HOXB13: variants seen among roughly 807,000 people sequenced by gnomAD.
HOXB13 encodes homeobox protein Hox-B13.
Under a neutral mutation model 23.1 loss-of-function variants are expected in HOXB13, and 22 were observed. The observed-to-expected ratio is 0.95, with a 90% CI of 0.68 to 1.36. The LOEUF (loss-of-function observed/expected upper bound fraction) is 1.36. Among genes scored for constraint, HOXB13 ranks in the 40% most tolerant of loss-of-function variants. The pLI is 0.00. For missense variants in HOXB13, 386 were observed against 376.2 expected, an observed-to-expected ratio of 1.03 and a Z score of -0.22; for synonymous variants, 173 against 157.9, an observed-to-expected ratio of 1.10 and a Z score of -0.72.
At position 48,725,952 on chromosome 17, in the gene HOXB13, T is replaced by C. The variant is rs976226587; in HGVS notation, c.*838A>G. 3.3e-5 allele frequency: 5 copies of C among 152,244 alleles called. No individual in the cohort carries two copies. Among genetic ancestry groups the C allele is most frequent in the African/African-American group, 7.2e-5 (3 of 41,442 alleles). The allele number at this position is 152,244 out of a possible 1,614,324, so 9.4% of individuals were successfully genotyped here. On this transcript the variant is annotated 3_prime_UTR_variant, in exon 2 of 2. Coordinates refer to ENST00000290295, the MANE Select transcript of HOXB13 (RefSeq NM_006361.6). ...GGCTAAGTATGCAAGGCTACAAACA[T>C]CTACTTCACTGGGATCCCAAATGCT...
rs1286947994 is a variant in HOXB13 at position 48,725,810 on chromosome 17, G to C, written c.*980C>G. ...GCCCTCATGTCCCTCTCAGAGTCCC[G>C]GCTCTGCAAAGAGCCCGTCTGTCTC... On this transcript the variant is annotated 3_prime_UTR_variant, in exon 2 of 2. Coordinates refer to ENST00000290295, the MANE Select transcript of HOXB13 (RefSeq NM_006361.6). 1 of 152,276 alleles carries C rather than the reference G, an allele frequency of 6.6e-6. No individual in the cohort carries two copies. The highest frequency in any genetic ancestry group is 1.5e-5 in the Non-Finnish European group (1 of 68,092). The allele number at this position is 152,276 out of a possible 1,614,324, so 9.4% of individuals were successfully genotyped here. A position where few individuals can be genotyped will look rare whatever the true frequency, so the allele number is the denominator to read the frequency against.
intron 1 of HOXB13, 128 bp downstream of exon 1, chr17:48,727,865 A>T: frequency 5.1e-6 from 6 of 1,179,702 alleles, no homozygotes; most frequent in Non-Finnish European, 7.2e-6. Context: ...GAGTCCTAAT[A>T]ACCAAGGGAG....
At position 48,726,861 on chromosome 17, in the gene HOXB13, T is replaced by C. The variant is rs1207429780; in HGVS notation, c.784A>G (p.Ile262Val). 6.2e-7 allele frequency: 1 copy of C among 1,614,110 alleles called. No homozygotes were observed. Among genetic ancestry groups the C allele is most frequent in the East Asian group, 2.2e-5 (1 of 44,884 alleles). ...TTGACCCGGCGGTTCTGAAACCAGA[T>C]GGTAATCTGGCGCTCCGAGAGGCTG... is the stretch of plus-strand genomic sequence containing the variant. ...ATSLSERQIT[I>V]WFQNRRVKEK... is the part of the protein sequence containing the mutation. The change falls in exon 2 of 2, where the codon ATC (isoleucine) becomes GTC (valine). Residue 262 changes from isoleucine to valine, a missense_variant. Ile to Val is a conservative substitution (Grantham distance 29). Transcript: ENST00000290295.
At position 48,726,548 on chromosome 17, in the gene HOXB13, T is replaced by A; in HGVS notation, c.*242A>T. On this transcript the variant is annotated 3_prime_UTR_variant, in exon 2 of 2. Transcript: ENST00000290295. Reference sequence around the variant, plus strand: ...TTGCCACTGTCAGGATGAATGATTATGACTGGGCCAGGTTCTTTGGGAACC... The same window carrying A: ...TTGCCACTGTCAGGATGAATGATTAAGACTGGGCCAGGTTCTTTGGGAACC... 2 of 562,422 alleles carry A rather than the reference T, an allele frequency of 3.6e-6. No individual in the cohort carries two copies. The highest frequency in any genetic ancestry group is 6.3e-6 in the Non-Finnish European group (2 of 315,618). 34.8% of individuals were successfully genotyped at this position (562,422 alleles called of 1,614,324 possible). A position where few individuals can be genotyped will look rare whatever the true frequency, so the allele number is the denominator to read the frequency against.
Position 48,728,023 on chromosome 17 carries a change from G to A in HOXB13, c.571C>T (p.Pro191Ser), listed in dbSNP as rs1555558557. 6.2e-7 allele frequency: 1 copy of A among 1,614,222 alleles called. No homozygotes were observed. The change falls in exon 1 of 2, where the codon CCA becomes TCA. Residue 191 changes from proline to serine, a missense_variant. Physicochemically the swap from Pro to Ser is moderately conservative, Grantham distance 74 (BLOSUM62 -1). Transcript: ENST00000290295. ...AATGCTGCCTTCCAAAAGGGACCTG[G>A]TGGGTTCTGTTCTCCCTGGCAACAC... The part of the protein sequence containing the change: ...QMCCQGEQNP[P>S]GPFWKAAFAD...
Position 48,726,703 on chromosome 17 carries a change from TC to T in HOXB13, c.*86del. On this transcript the variant is annotated 3_prime_UTR_variant, in exon 2 of 2. Transcript: ENST00000290295. ...TGTCTCTAGGGGCCTCTCAGCAGAG[TC>T]CTTGGCCCCAGCCTGGGCTTGGCAG... 1 of 1,522,434 alleles carries T rather than the reference TC, an allele frequency of 6.6e-7. No homozygotes were observed. Among genetic ancestry groups the T allele is most frequent in the Non-Finnish European group, 8.9e-7 (1 of 1,122,926 alleles). 94.3% of individuals were successfully genotyped at this position (1,522,434 alleles called of 1,614,324 possible). A position where few individuals can be genotyped will look rare whatever the true frequency, so the allele number is the denominator to read the frequency against.
At position 48,726,300 on chromosome 17, in the gene HOXB13, A is replaced by G. The variant is rs1192582570; in HGVS notation, c.*490T>C. ...GCTAAACGGACATCACAGCCACACA[A>G]CGAATCTGCCCGTTCCCCTCTCCTC... On this transcript the variant is annotated 3_prime_UTR_variant, in exon 2 of 2. Coordinates refer to ENST00000290295, the MANE Select transcript of HOXB13 (RefSeq NM_006361.6). 1 of 157,500 alleles carries G rather than the reference A, an allele frequency of 6.3e-6. No homozygotes were observed. Among genetic ancestry groups the G allele is most frequent in the African/African-American group, 2.4e-5 (1 of 41,496 alleles). 9.8% of individuals were successfully genotyped at this position (157,500 alleles called of 1,614,324 possible).
Position 48,726,871 on chromosome 17 carries a change from G to T in HOXB13, c.774C>A (p.Arg258=), listed in dbSNP as rs771352907. The change falls in exon 2 of 2, where the codon CGC becomes CGA. Residue 258 remains arginine (R), a synonymous_variant. Coordinates refer to ENST00000290295, the MANE Select transcript of HOXB13 (RefSeq NM_006361.6). ...KISAATSLSE[R]QITIWFQNRR... is the part of the protein sequence containing the mutation. ...GGTTCTGAAACCAGATGGTAATCTG[G>T]CGCTCCGAGAGGCTGGTGGCTGCCG... 6.2e-7 allele frequency: 1 copy of T among 1,614,122 alleles called. No individual in the cohort carries two copies. Among genetic ancestry groups the T allele is most frequent in the Admixed American group, 1.7e-5 (1 of 60,020 alleles).
chr17:48,728,577 T>A lies in HOXB13; in HGVS notation c.17A>T (p.Tyr6Phe), dbSNP rs771173385. The change falls in exon 1 of 2, where the codon TAT becomes TTT. Residue 6 changes from tyrosine (Y) to phenylalanine (F), a missense_variant. Transcript: ENST00000290295. ...ATCCTTGGCTCCATCCAAGGTGGCA[T>A]AATTGCCGGGCTCCATGGAGCCGAG... The part of the protein sequence containing the change: MEPGN[Y>F]ATLDGAKDIE... 1.9e-6 allele frequency: 3 copies of A among 1,612,136 alleles called. No homozygotes were observed. The African/African-American group carries it at 4.0e-5, about 22-fold the overall frequency.
At chr17:48,727,799 T>C (rs1351061188) in intron 1 of HOXB13, among the ~76,000 whole-genome samples, 194 bp downstream of exon 1, 1 of 152,066 alleles carries the variant, frequency 6.6e-6, no homozygotes, top group African/African-American at 2.4e-5. Context: ...AGCACCCAGC[T>C]CAGGCCCCTC....
At position 48,728,679 on chromosome 17, in the gene HOXB13, C is replaced by A; in HGVS notation, c.-86G>T. On this transcript the variant is annotated 5_prime_UTR_variant, in exon 1 of 2. Coordinates refer to ENST00000290295, the MANE Select transcript of HOXB13 (RefSeq NM_006361.6). ...TCTCCCCACCCAGGCCGGGGGAATCCAAAGCGTTTTAAATCGCTCCCAGCT... is the reference window on the plus strand; with the variant it reads ...TCTCCCCACCCAGGCCGGGGGAATCAAAAGCGTTTTAAATCGCTCCCAGCT... 2 of 1,354,152 alleles carry A rather than the reference C, an allele frequency of 1.5e-6. No individual in the cohort carries two copies. The highest frequency in any genetic ancestry group is 2.1e-6 in the Non-Finnish European group (2 of 971,908). 83.9% of individuals were successfully genotyped at this position (1,354,152 alleles called of 1,614,324 possible).
chr17:48,728,363 G>A lies in HOXB13; in HGVS notation c.231C>T (p.Pro77=), dbSNP rs770545259. Residue 77 remains proline, a synonymous_variant, in exon 1 of 2, where the codon CCC becomes CCT. Coordinates refer to ENST00000290295, the MANE Select transcript of HOXB13 (RefSeq NM_006361.6). ...CGCCTCCAAAGTAACCATAAGGCAC[G>A]GGAGCTGGGGACGTCCCCTGGGGCA... ...PGVPQGTSPA[P]VPYGYFGGGY... 1 of 1,613,944 alleles carries A rather than the reference G, an allele frequency of 6.2e-7. No individual in the cohort carries two copies. The highest frequency in any genetic ancestry group is 8.5e-7 in the Non-Finnish European group (1 of 1,180,004).
In HOXB13 at chr17:48,727,121, A is replaced by T. The variant is rs1349512435; in HGVS notation, c.602-78T>A. On this transcript the variant is annotated intron_variant, in intron 1 of 1. Coordinates refer to ENST00000290295, the MANE Select transcript of HOXB13 (RefSeq NM_006361.6). Reference sequence around the variant, plus strand: ...GCAGACCCAGGCCTTGCAAGCCCCAAGCTAAGTCATCTCACAGGTGCACAC... The same window carrying T: ...GCAGACCCAGGCCTTGCAAGCCCCATGCTAAGTCATCTCACAGGTGCACAC... The T allele has an allele frequency of 1.4e-5, 22 of 1,552,312 alleles. No individual in the cohort carries two copies. In the South Asian group the frequency reaches 2.4e-4, roughly 17 times the overall value.
At position 48,726,565 on chromosome 17, in the gene HOXB13, T is replaced by C. The variant is rs2038210250; in HGVS notation, c.*225A>G. Reference sequence around the variant, plus strand: ...AATGATTATGACTGGGCCAGGTTCTTTGGGAACCCTGGTGGAGTGGGCTGT... The same window carrying C: ...AATGATTATGACTGGGCCAGGTTCTCTGGGAACCCTGGTGGAGTGGGCTGT... On this transcript the variant is annotated 3_prime_UTR_variant, in exon 2 of 2. Coordinates refer to ENST00000290295, the MANE Select transcript of HOXB13 (RefSeq NM_006361.6). 6 of 577,772 alleles carry C rather than the reference T, an allele frequency of 1.0e-5. No homozygotes were observed. The highest frequency in any genetic ancestry group is 1.9e-5 in the African/African-American group (1 of 53,668). The allele number at this position is 577,772 out of a possible 1,614,324, so 35.8% of individuals were successfully genotyped here. A position where few individuals can be genotyped will look rare whatever the true frequency, so the allele number is the denominator to read the frequency against.
rs1269018676 is a variant in HOXB13, at chr17:48,726,866, A to T, written c.779T>A (p.Ile260Asn). The T allele has an allele frequency of 6.2e-7, 1 of 1,613,958 alleles. No individual in the cohort carries two copies. Among genetic ancestry groups the T allele is most frequent in the African/African-American group, 1.3e-5 (1 of 74,878 alleles). ...SAATSLSERQ[I>N]TIWFQNRRVK... is the part of the protein sequence containing the mutation. ...CCGGCGGTTCTGAAACCAGATGGTA[A>T]TCTGGCGCTCCGAGAGGCTGGTGGC... Residue 260 changes from isoleucine to asparagine, a missense_variant, in exon 2 of 2, where the codon ATT becomes AAT. Ile to Asn is a moderately radical substitution (Grantham distance 149, BLOSUM62 -3). Transcript: ENST00000290295.
Position 48,726,516 on chromosome 17 carries a change from G to C in HOXB13, c.*274C>G. On this transcript the variant is annotated 3_prime_UTR_variant, in exon 2 of 2. Coordinates refer to ENST00000290295, the MANE Select transcript of HOXB13 (RefSeq NM_006361.6). ...ATCATGGCAGCTAGTACTGGTTATC[G>C]TGATTATTGCCACTGTCAGGATGAA... The C allele has an allele frequency of 2.0e-6, 1 of 503,042 alleles. No homozygotes were observed. The highest frequency in any genetic ancestry group is 3.6e-6 in the Non-Finnish European group (1 of 280,414). The allele number at this position is 503,042 out of a possible 1,614,324, so 31.2% of individuals were successfully genotyped here.
At position 48,725,885 on chromosome 17, in the gene HOXB13, CAG is replaced by C. The variant is rs773116234; in HGVS notation, c.*903_*904del. ...AATCTGTCTACGTGGACTGGGAAAA[CAG>C]GGTTGGCACCACTCTGCCACTCCGT... On this transcript the variant is annotated 3_prime_UTR_variant, in exon 2 of 2. Coordinates refer to ENST00000290295, the MANE Select transcript of HOXB13 (RefSeq NM_006361.6). 16 of 152,238 alleles carry C rather than the reference CAG, an allele frequency of 1.1e-4. No homozygotes were observed. Among genetic ancestry groups the C allele is most frequent in the Non-Finnish European group, 2.1e-4 (14 of 68,056 alleles). 9.4% of individuals were successfully genotyped at this position (152,238 alleles called of 1,614,324 possible).
chr17:48,726,573 C>T lies in HOXB13; in HGVS notation c.*217G>A. On this transcript the variant is annotated 3_prime_UTR_variant, in exon 2 of 2. Coordinates refer to ENST00000290295, the MANE Select transcript of HOXB13 (RefSeq NM_006361.6). Reference sequence around the variant, plus strand: ...TGACTGGGCCAGGTTCTTTGGGAACCCTGGTGGAGTGGGCTGTCACATGGG... The same window carrying T: ...TGACTGGGCCAGGTTCTTTGGGAACTCTGGTGGAGTGGGCTGTCACATGGG... The T allele has an allele frequency of 5.1e-6, 3 of 585,560 alleles. No homozygotes were observed. Among genetic ancestry groups the T allele is most frequent in the Non-Finnish European group, 9.0e-6 (3 of 331,928 alleles). The allele number at this position is 585,560 out of a possible 1,614,324, so 36.3% of individuals were successfully genotyped here. A position where few individuals can be genotyped will look rare whatever the true frequency, so the allele number is the denominator to read the frequency against.
Position 48,728,638 on chromosome 17 carries a change from G to T in HOXB13, c.-45C>A. 6.2e-7 allele frequency: 1 copy of T among 1,600,940 alleles called. No homozygotes were observed. The highest frequency in any genetic ancestry group is 1.1e-5 in the South Asian group (1 of 89,712). On this transcript the variant is annotated 5_prime_UTR_variant, in exon 1 of 2. Transcript: ENST00000290295. ...TGAGGTGCGGGGGCGGGGAATCTAG[G>T]GGGCACCCAGCTCGCTCTCCCCACC...
Sources: allele counts gnomAD v4.1 joint callset (sites outside exome capture counted in the v4.1 genomes callset), GRCh38; gene constraint gnomAD v4.1.1; transcripts MANE v1.5; gene names NCBI Gene and HGNC (gene_info 2026-07-23, HGNC 2026-07-21).